The following RBFOX1 variants were observed in gnomAD, a reference collection of about 807,000 sequenced individuals.
RBFOX1 encodes RNA binding fox-1 homolog 1.
RBFOX1 carries 8 observed loss-of-function variants against 57.7 expected under a neutral mutation model. The ratio of observed to expected loss-of-function variants is 0.14; its 90% CI spans 0.08 to 0.25. The LOEUF (loss-of-function observed/expected upper bound fraction) is 0.25, where lower values mean the gene tolerates loss of function less well. RBFOX1 is among the 10% of genes least tolerant of loss of function. The probability of loss-of-function intolerance (pLI) is 1.00; values close to 1 mark genes in which losing one functional copy is unlikely to be tolerated. For missense variants in RBFOX1, 611 were observed against 548.5 expected (o/e 1.11, Z -1.14); for synonymous variants, 326 against 222.4 (o/e 1.47, Z -4.15).
chr16:6,852,732 C>G (rs368910218), intron 3 of RBFOX1, among the ~76,000 whole-genome samples: 3 of 151,594 alleles, frequency 2.0e-5, no homozygotes, highest in East Asian at 1.9e-4. Flanking sequence ...GGGCTGGGAA[C>G]TAGCTGTCTA....
chr16:6,105,388 T>TAA (rs915822572), intron 1 of RBFOX1, among the ~76,000 whole-genome samples: 2 of 147,044 alleles, frequency 1.4e-5, no homozygotes, highest in African/African-American at 5.0e-5. Context: ...GCTCAGAAGG[T>TAA]AAAAAAAAAA....
At chr16:6,264,478 A>G (rs1191256031) in intron 1 of RBFOX1, among the ~76,000 whole-genome samples, 1 of 152,190 alleles carries the variant, frequency 6.6e-6, no homozygotes, top group Non-Finnish European at 1.5e-5. Flanking sequence ...GGCTGGTAGG[A>G]CAGTGAGTGA....
intron 3 of RBFOX1, among the ~76,000 whole-genome samples, chr16:5,702,202 A>T (rs1326111650): frequency 2.0e-5 from 3 of 152,222 alleles, no homozygotes; most frequent in African/African-American, 7.2e-5. Context: ...GCTTAACAGG[A>T]GGCATGACTG....
chr16:6,981,965 T>G (rs1288167717), intron 3 of RBFOX1, among the ~76,000 whole-genome samples: 1 of 152,238 alleles, frequency 6.6e-6, no homozygotes, highest in Non-Finnish European at 1.5e-5. Flanking sequence ...TATTGGCACA[T>G]GAAAATACAA....
chr16:7,355,214 C>A (rs1010317919), intron 4 of RBFOX1, among the ~76,000 whole-genome samples: 1 of 152,156 alleles, frequency 6.6e-6, no homozygotes, highest in South Asian at 2.1e-4. Flanking sequence ...GCTTTGTGCT[C>A]CTCGTCCTTC....
chr16:5,810,609 G>A (rs547332273), intron 3 of RBFOX1, among the ~76,000 whole-genome samples: 1 of 152,108 alleles, frequency 6.6e-6, no homozygotes, highest in Non-Finnish European at 1.5e-5. Context: ...CACTCCTGCT[G>A]GGTTGACCCA....
chr16:6,695,413 CAAAAAAAAAAAA>C (rs71145278), intron 3 of RBFOX1, among the ~76,000 whole-genome samples: 3 of 109,098 alleles, frequency 2.7e-5, no homozygotes, highest in African/African-American at 7.8e-5. Flanking sequence ...GAAACTCTGT[CAAAAAAAAAAAA>C]AAAAAAAAAA....
At chr16:5,557,999 G>C (rs1382005955) in intron 2 of RBFOX1, among the ~76,000 whole-genome samples, 1 of 152,196 alleles carries the variant, frequency 6.6e-6, no homozygotes, top group Non-Finnish European at 1.5e-5. Flanking sequence ...GTGGTGGTCA[G>C]AGACTCGCCA....
chr16:6,940,867 G>C (rs1044139880), intron 3 of RBFOX1, among the ~76,000 whole-genome samples: 1 of 126,088 alleles, frequency 7.9e-6, no homozygotes, highest in African/African-American at 3.5e-5. Context: ...GTGTGTGTGT[G>C]TGTGTGTGTG....
intron 4 of RBFOX1, among the ~76,000 whole-genome samples, chr16:7,491,193 C>G (rs745773286): frequency 6.6e-6 from 1 of 152,048 alleles, no homozygotes; most frequent in Non-Finnish European, 1.5e-5. Flanking sequence ...ACCCACTTAC[C>G]CATCTTTGCT....
At chr16:5,881,564 C>T (rs1368975863) in intron 4 of RBFOX1, among the ~76,000 whole-genome samples, 1 of 152,114 alleles carries the variant, frequency 6.6e-6, no homozygotes, top group African/African-American at 2.4e-5. Flanking sequence ...CTTATAATCC[C>T]AGCTACTTGG....
At chr16:7,484,617 C>A (rs2064901681) in intron 4 of RBFOX1, among the ~76,000 whole-genome samples, 1 of 152,118 alleles carries the variant, frequency 6.6e-6, no homozygotes, top group Non-Finnish European at 1.5e-5. Flanking sequence ...CGCCCACTAC[C>A]AGAGCTGGCT....
In RBFOX1 at chr16:5,496,937, A is replaced by C. The variant is rs569340652; in HGVS notation, c.258+29683A>C. 3.9e-5 allele frequency among the ~76,000 whole-genome samples: 6 copies of C among 152,354 alleles called. No individual in the cohort carries two copies. The South Asian group carries it at 1.2e-3, about 32-fold the overall frequency. On this transcript the variant is annotated intron_variant, in intron 2 of 2. Transcript: ENST00000585867. ...GTAATAATTACATTTTATACACAAC[A>C]TCTGCACTAAGTGATATTTATATCT...
chr16:6,726,915 G>A (rs1262118178), intron 3 of RBFOX1, among the ~76,000 whole-genome samples: 1 of 151,996 alleles, frequency 6.6e-6, no homozygotes, highest in East Asian at 1.9e-4. Context: ...GGGAAATAAA[G>A]GACACTTTCA....
intron 2 of RBFOX1, among the ~76,000 whole-genome samples, chr16:6,424,620 C>CGTGTGTGTGCGTGT (rs143990992): frequency 1.3e-5 from 2 of 150,592 alleles, no homozygotes; most frequent in Non-Finnish European, 3.0e-5. Context: ...TGTGTGTGTG[C>CGTGTGTGTGCGTGT]GTGTGTGTGA....
chr16:6,602,837 C>A (rs527891780), intron 2 of RBFOX1, among the ~76,000 whole-genome samples: 2 of 151,998 alleles, frequency 1.3e-5, no homozygotes, highest in African/African-American at 2.4e-5. Flanking sequence ...GAGCTCATGC[C>A]CCACACACCC....
intron 1 of RBFOX1, among the ~76,000 whole-genome samples, chr16:5,455,471 A>C (rs2068601707): frequency 6.6e-6 from 1 of 152,120 alleles, no homozygotes; most frequent in South Asian, 2.1e-4. Context: ...AGGGGTATCA[A>C]ATCATTTAGG....
chr16:7,405,902 A>G (rs1568676944), intron 4 of RBFOX1, among the ~76,000 whole-genome samples: 3 of 152,118 alleles, frequency 2.0e-5, no homozygotes, highest in Non-Finnish European at 4.4e-5. Flanking sequence ...CCCAGGGTGC[A>G]TTTGGCCATG....
intron 5 of RBFOX1, among the ~76,000 whole-genome samples, chr16:7,547,920 C>A (rs1383346831): frequency 3.3e-5 from 5 of 152,188 alleles, no homozygotes; most frequent in Non-Finnish European, 7.3e-5. Flanking sequence ...TCCCGTTTGG[C>A]TTTGCTCCTT....
Sources: gnomAD v4.1 joint callset for allele counts (sites outside exome capture counted in the v4.1 genomes callset) on GRCh38, gnomAD v4.1.1 for gene constraint, MANE v1.5 for transcripts, NCBI Gene and HGNC (gene_info 2026-07-23, HGNC 2026-07-21) for gene names.